The following MBD5 variants were observed in gnomAD, a reference collection of about 807,000 sequenced individuals.
MBD5 encodes methyl-CpG binding domain protein 5.
Under a neutral mutation model 117.3 loss-of-function variants are expected in MBD5, and 13 were observed. The observed-to-expected ratio is 0.11, with a 90% confidence interval of 0.07 to 0.18. The LOEUF is 0.18. Among genes scored for constraint, MBD5 ranks in the 10% least tolerant of loss-of-function variants. The pLI is 1.00. For synonymous variants in MBD5, 727 were observed against 766.4 expected (o/e 0.95, Z 0.85); for missense variants, 1,879 against 2,093.8 (o/e 0.90, Z 2.00).
chr2:148,137,055 C>G (rs1697187974), intron 1 of MBD5, among the ~76,000 whole-genome samples: 1 of 152,150 alleles, frequency 6.6e-6, no homozygotes, highest in Non-Finnish European at 1.5e-5. Flanking sequence ...AGTCACCGTG[C>G]CCAGCCCAGT....
intron 2 of MBD5, among the ~76,000 whole-genome samples, chr2:148,227,543 A>G (rs544132380): frequency 8.3e-4 from 126 of 152,338 alleles, no homozygotes; most frequent in South Asian, 3.3e-3. Flanking sequence ...GAAGTCAGGT[A>G]GCATGATGCC....
At chr2:148,463,038 A>G (rs1036013075) in intron 6 of MBD5, among the ~76,000 whole-genome samples, 3 of 152,172 alleles carry the variant, frequency 2.0e-5, no homozygotes, top group African/African-American at 7.2e-5. Flanking sequence ...TAGCACTGGT[A>G]TTGATAAATC....
chr2:148,056,636 C>T (rs565243318), intron 1 of MBD5, among the ~76,000 whole-genome samples: 1 of 152,136 alleles, frequency 6.6e-6, no homozygotes, highest in Admixed American at 6.5e-5. Context: ...TTAACCAAAA[C>T]AGACTTTGTC....
intron 1 of MBD5, among the ~76,000 whole-genome samples, chr2:148,077,531 C>T (rs1030445750): frequency 4.6e-5 from 7 of 152,116 alleles, no homozygotes; most frequent in African/African-American, 1.7e-4. Flanking sequence ...CTACTATGGA[C>T]TGGGTAACTC....
intron 4 of MBD5, among the ~76,000 whole-genome samples, chr2:148,399,218 C>T (rs148335266): frequency 0.016 from 2,369 of 152,230 alleles, 63 homozygotes; most frequent in African/African-American, 0.054. Flanking sequence ...ATGGGGATGG[C>T]GTTGAATCTA....
chr2:148,097,093 A>G (rs1696087095), intron 1 of MBD5, among the ~76,000 whole-genome samples: 1 of 152,224 alleles, frequency 6.6e-6, no homozygotes, highest in East Asian at 1.9e-4. Context: ...TATACTTATT[A>G]TAACTGATAT....
chr2:148,441,018 G>A (rs1454692667), intron 4 of MBD5, among the ~76,000 whole-genome samples: 1 of 152,060 alleles, frequency 6.6e-6, no homozygotes, highest in African/African-American at 2.4e-5. Context: ...GACATGTGAG[G>A]ACTTCTTCTT....
chr2:148,213,429 G>A (rs1168552051), intron 2 of MBD5, among the ~76,000 whole-genome samples: 4 of 152,026 alleles, frequency 2.6e-5, no homozygotes, highest in Non-Finnish European at 1.5e-5. Flanking sequence ...TTTAAATTAT[G>A]TATGGGGCAG....
chr2:148,290,205 G>A (rs1701470210), intron 3 of MBD5, among the ~76,000 whole-genome samples: 1 of 149,010 alleles, frequency 6.7e-6, no homozygotes, highest in Non-Finnish European at 1.5e-5. Flanking sequence ...TGACCTACCT[G>A]CCTCAGCCTC....
At chr2:148,387,390 A>G (rs181364045) in intron 4 of MBD5, among the ~76,000 whole-genome samples, 1 of 152,268 alleles carries the variant, frequency 6.6e-6, no homozygotes, top group East Asian at 1.9e-4. Flanking sequence ...GCAAAATAGA[A>G]AGGAAGTCCT....
chr2:148,152,976 G>C (rs1031464024), intron 1 of MBD5, among the ~76,000 whole-genome samples: 2 of 151,558 alleles, frequency 1.3e-5, no homozygotes, highest in Non-Finnish European at 2.9e-5. Flanking sequence ...ATTTGATCCT[G>C]TCATTATGAT....
At chr2:148,365,378 AG>A in intron 4 of MBD5, among the ~76,000 whole-genome samples, 1 of 152,226 alleles carries the variant, frequency 6.6e-6, no homozygotes, top group South Asian at 2.1e-4. Flanking sequence ...TGCCCACAGG[AG>A]AAAGCAGGAA....
chr2:148,175,938 C>T lies in MBD5; in HGVS notation c.-924-2762C>T, dbSNP rs1409204784. Reference sequence around the variant, plus strand: ...GCAAGAAATAAGTTTTAGTAATTTACATGACAAATGTTAGTGCTACTTAAC... The same window carrying T: ...GCAAGAAATAAGTTTTAGTAATTTATATGACAAATGTTAGTGCTACTTAAC... On this transcript the variant is annotated intron_variant, in intron 1 of 13. Transcript: ENST00000642680. Among the ~76,000 whole-genome samples the T allele has an allele frequency of 2.0e-5, 3 of 152,158 alleles. No homozygotes were observed. In the South Asian group the frequency reaches 6.2e-4, roughly 32 times the overall value.
intron 3 of MBD5, among the ~76,000 whole-genome samples, chr2:148,318,273 C>T (rs967932920): frequency 6.6e-6 from 1 of 151,040 alleles, no homozygotes; most frequent in Non-Finnish European, 1.5e-5. Context: ...AATGTCTGCT[C>T]ATTTACTTTG....
At chr2:148,125,804 A>G (rs538734188) in intron 1 of MBD5, among the ~76,000 whole-genome samples, 5 of 152,374 alleles carry the variant, frequency 3.3e-5, no homozygotes, top group African/African-American at 1.2e-4. Context: ...TATGGCTGCC[A>G]CTTAATAGGT....
chr2:148,051,450 G>C (rs1362937213), intron 1 of MBD5, among the ~76,000 whole-genome samples: 1 of 149,824 alleles, frequency 6.7e-6, no homozygotes, highest in African/African-American at 2.5e-5. Flanking sequence ...GGAATGCTTA[G>C]TACAATATTG....
intron 11 of MBD5, among the ~76,000 whole-genome samples, chr2:148,494,132 G>T (rs909690573): frequency 7.9e-5 from 12 of 152,100 alleles, no homozygotes; most frequent in Non-Finnish European, 1.6e-4. Context: ...TATTAATTTA[G>T]ATTCCACCAT....
intron 4 of MBD5, among the ~76,000 whole-genome samples, chr2:148,387,714 CA>C (rs1273708551): frequency 6.6e-6 from 1 of 151,536 alleles, no homozygotes; most frequent in Non-Finnish European, 1.5e-5. Flanking sequence ...AATCAGTTTA[CA>C]AAAATAAGTT....
chr2:148,149,899 A>C (rs1697594784), intron 1 of MBD5, among the ~76,000 whole-genome samples: 1 of 142,382 alleles, frequency 7.0e-6, no homozygotes, highest in African/African-American at 2.6e-5. Flanking sequence ...TTGCCTGTTC[A>C]CTCTGATGGT....
Sources: gnomAD v4.1 joint callset for allele counts (sites outside exome capture counted in the v4.1 genomes callset) on GRCh38, gnomAD v4.1.1 for gene constraint, MANE v1.5 for transcripts, NCBI Gene and HGNC (gene_info 2026-07-23, HGNC 2026-07-21) for gene names.